Variants in PTBP3 observed in about 807,000 individuals in gnomAD.
PTBP3 encodes the protein polypyrimidine tract binding protein 3, also known as polypyrimidine tract-binding protein 3.
In PTBP3, 20 loss-of-function variants were observed where a neutral mutation model predicts 58.7. That is an observed-to-expected ratio of 0.34 (90% CI 0.24 to 0.50). The LOEUF (loss-of-function observed/expected upper bound fraction) is 0.50, where lower values mean the gene tolerates loss of function less well. Ranked by LOEUF, PTBP3 falls within the 20% of genes least tolerant of loss-of-function variation. PTBP3 has a pLI of 0.98. For synonymous variants in PTBP3, 185 were observed against 219.8 expected, an observed-to-expected ratio of 0.84 and a Z score of 1.40; for missense variants, 509 against 637.2, an observed-to-expected ratio of 0.80 and a Z score of 2.17.
chr9:112,315,720 C>A (rs192991004), intron 1 of PTBP3, among the ~76,000 whole-genome samples: 1 of 152,320 alleles, frequency 6.6e-6, no homozygotes, highest in Admixed American at 6.5e-5. Context: ...CAAATAGCTA[C>A]ACTGATGAAT....
intron 7 of PTBP3, among the ~76,000 whole-genome samples, chr9:112,242,276 T>C (rs1294284745): frequency 2.0e-5 from 3 of 152,258 alleles, no homozygotes; most frequent in Middle Eastern, 3.4e-3. Flanking sequence ...ACTACAGGTG[T>C]GCTGGCCACT....
At chr9:112,332,762 T>C in intron 1 of PTBP3, 4 of 1,611,704 alleles carry the variant, frequency 2.5e-6, no homozygotes, top group Non-Finnish European at 3.4e-6. Flanking sequence ...CGAAAATCGC[T>C]CGTACATCAT....
At chr9:112,262,860 G>A (rs1836656800) in intron 4 of PTBP3, among the ~76,000 whole-genome samples, 1 of 152,160 alleles carries the variant, frequency 6.6e-6, no homozygotes, top group Admixed American at 6.5e-5. Context: ...AGAAAATCTG[G>A]ATGTAATTTT....
At chr9:112,278,278 G>C (rs554045329) in intron 2 of PTBP3, among the ~76,000 whole-genome samples, 6 of 152,168 alleles carry the variant, frequency 3.9e-5, no homozygotes, top group Non-Finnish European at 8.8e-5. Flanking sequence ...ACTGTCACTA[G>C]AGTAAAACAA....
intron 5 of PTBP3, among the ~76,000 whole-genome samples, chr9:112,259,090 T>G (rs1836489131): frequency 6.6e-6 from 1 of 152,136 alleles, no homozygotes; most frequent in South Asian, 2.1e-4. Flanking sequence ...TAGCTGGGAC[T>G]ACATGTGTGT....
chr9:112,351,023 G>C, the PTBP3 span, among the ~76,000 whole-genome samples: 9 of 152,232 alleles, frequency 5.9e-5, no homozygotes, highest in South Asian at 1.7e-3. Flanking sequence ...GACCTCAAGT[G>C]ATCTACCTGC....
chr9:112,228,355 A>G, intron 11 of PTBP3, 25 bp downstream of exon 11: 1 of 1,513,466 alleles, frequency 6.6e-7, no homozygotes, highest in Non-Finnish European at 9.0e-7. Context: ...TCACATTATT[A>G]TTAATAATTA....
chr9:112,290,738 A>ACACACAAT (rs1564438731), intron 2 of PTBP3, among the ~76,000 whole-genome samples: 1 of 148,494 alleles, frequency 6.7e-6, no homozygotes, highest in African/African-American at 2.5e-5. Flanking sequence ...ACACACACAC[A>ACACACAAT]ATCAAGTGTT....
At chr9:112,270,812 T>C (rs1163058146) in intron 3 of PTBP3, among the ~76,000 whole-genome samples, 1 of 152,140 alleles carries the variant, frequency 6.6e-6, no homozygotes, top group African/African-American at 2.4e-5. Context: ...CTTAGGTTCC[T>C]TTTTTTGTAT....
At chr9:112,322,696 G>A (rs1400308965) in intron 1 of PTBP3, among the ~76,000 whole-genome samples, 2 of 152,194 alleles carry the variant, frequency 1.3e-5, no homozygotes, top group Non-Finnish European at 2.9e-5. Context: ...ACAGACTAAA[G>A]AGACAAAACA....
At chr9:112,312,439 G>A (rs1327811064) in intron 1 of PTBP3, among the ~76,000 whole-genome samples, 1 of 146,908 alleles carries the variant, frequency 6.8e-6, no homozygotes, top group Non-Finnish European at 1.5e-5. Flanking sequence ...CAAGGCTGCT[G>A]TGATCTGTGT....
chr9:112,252,019 T>TA (rs1270250576), intron 6 of PTBP3, among the ~76,000 whole-genome samples: 3 of 152,034 alleles, frequency 2.0e-5, no homozygotes, highest in Non-Finnish European at 2.9e-5. Flanking sequence ...AAGATGAAAT[T>TA]AGAGTCAGGG....
At chr9:112,257,657 T>C (rs986574118) in intron 5 of PTBP3, among the ~76,000 whole-genome samples, 1 of 152,172 alleles carries the variant, frequency 6.6e-6, no homozygotes, top group Non-Finnish European at 1.5e-5. Context: ...AGTGTATTCA[T>C]GGCGAGGCGC....
rs759675053 is a variant in PTBP3, at chr9:112,228,477, T to A, written c.1055-5A>T. ...GATGTACATCACCATAGACTCCTAATTAAAACAAAACAAAACACTGTGTTT... is the reference window on the plus strand; with the variant it reads ...GATGTACATCACCATAGACTCCTAAATAAAACAAAACAAAACACTGTGTTT... On this transcript the variant is annotated splice_region_variant and splice_polypyrimidine_tract_variant and intron_variant, in intron 10 of 13. Transcript: ENST00000374257. 6.4e-7 allele frequency: 1 copy of A among 1,557,780 alleles called. No individual in the cohort carries two copies. Among genetic ancestry groups the A allele is most frequent in the East Asian group, 2.3e-5 (1 of 44,080 alleles).
intron 3 of PTBP3, 125 bp from the exon 4 acceptor site, chr9:112,268,320 G>A: frequency 1.1e-6 from 1 of 939,892 alleles, no homozygotes; most frequent in Non-Finnish European, 1.5e-6. Context: ...TCCCCCAAGG[G>A]GAGGGAAAAA....
At chr9:112,340,939 T>A in the PTBP3 span, among the ~76,000 whole-genome samples, 1 of 152,100 alleles carries the variant, frequency 6.6e-6, no homozygotes, top group Non-Finnish European at 1.5e-5. Flanking sequence ...TATTTAATTA[T>A]CCAAAGAGGA....
At chr9:112,281,621 A>T (rs1827871798) in intron 2 of PTBP3, among the ~76,000 whole-genome samples, 1 of 152,212 alleles carries the variant, frequency 6.6e-6, no homozygotes, top group Non-Finnish European at 1.5e-5. Flanking sequence ...CAGTCTGTGT[A>T]GGATTGGTAT....
chr9:112,348,560 C>G, the PTBP3 span, among the ~76,000 whole-genome samples: 1 of 152,258 alleles, frequency 6.6e-6, no homozygotes, highest in Non-Finnish European at 1.5e-5. Flanking sequence ...CGCATGCGCA[C>G]AGCCCACTCC....
chr9:112,274,433 AACAGTATAAAAGATTTTTAGG>A (rs1827519334), intron 3 of PTBP3, among the ~76,000 whole-genome samples: 1 of 152,210 alleles, frequency 6.6e-6, no homozygotes, highest in African/African-American at 2.4e-5. Flanking sequence ...TACAGTAATA[AACAGTATAAAAGATTTTTAGG>A]ACAGCCAAAA....
Sources: allele counts gnomAD v4.1 joint callset (sites outside exome capture counted in the v4.1 genomes callset), GRCh38; gene constraint gnomAD v4.1.1; transcripts MANE v1.5; gene names NCBI Gene and HGNC (gene_info 2026-07-23, HGNC 2026-07-21).